Variants in YRDC observed in about 807,000 individuals in gnomAD.
YRDC encodes yrdC N6-threonylcarbamoyltransferase domain containing.
Under a neutral mutation model 21.5 loss-of-function variants are expected in YRDC, and 17 were observed. The ratio of observed to expected loss-of-function variants is 0.79; its 90% CI spans 0.54 to 1.19. YRDC has a LOEUF of 1.19. Ranked by LOEUF, YRDC falls within the 50% of genes most tolerant of loss-of-function variation. The probability of loss-of-function intolerance (pLI) is 0.00; values close to 1 mark genes in which losing one functional copy is unlikely to be tolerated. For missense variants in YRDC, 380 were observed against 397.1 expected, an observed-to-expected ratio of 0.96 and a Z score of 0.37; for synonymous variants, 193 against 176.7, an observed-to-expected ratio of 1.09 and a Z score of -0.73.
chr1:37,807,833 C>A lies in YRDC; in HGVS notation c.348G>T (p.Lys116Asn). The change falls in exon 1 of 5, where the codon AAG (lysine) becomes AAT (asparagine). Residue 116 changes from lysine (K) to asparagine (N), a missense_variant. By Grantham distance (94) the Lys-to-Asn change is moderately conservative (BLOSUM62 0). This residue lies in a region of YRDC where 238 missense variants were observed against 236.5 expected (regional missense o/e 1.01). Coordinates refer to ENST00000373044, the MANE Select transcript of YRDC (RefSeq NM_024640.4). ...CGCGGCCGAGGCATACGGCCAGAGG[C>A]TTGGCCTCGCTGCGACCCTTGAGGC... is the stretch of plus-strand genomic sequence containing the variant. ...VYRLKGRSEAKPLAVCLGRVA... is the reference protein window; with the variant it reads ...VYRLKGRSEANPLAVCLGRVA... 1 of 1,510,096 alleles carries A rather than the reference C, an allele frequency of 6.6e-7. No individual in the cohort carries two copies. Among genetic ancestry groups the A allele is most frequent in the Non-Finnish European group, 8.8e-7 (1 of 1,134,098 alleles). The allele number at this position is 1,510,096 out of a possible 1,614,324, so 93.5% of individuals were successfully genotyped here.
Position 37,808,163 on chromosome 1 carries a change from C to T in YRDC, c.18G>A (p.Arg6=). The part of the protein sequence containing the change: MSPAR[R]CRGMRAAVAA... ...CCACCGCGGCCCTCATCCCCCTGCA[C>T]CGACGCGCCGGAGACATCCGCCCAG... is the stretch of plus-strand genomic sequence containing the variant. The change falls in exon 1 of 5, where the codon CGG becomes CGA. Residue 6 remains arginine (R), a synonymous_variant. Coordinates refer to ENST00000373044, the MANE Select transcript of YRDC (RefSeq NM_024640.4). 2 of 1,460,042 alleles carry T rather than the reference C, an allele frequency of 1.4e-6. No individual in the cohort carries two copies. The highest frequency in any genetic ancestry group is 9.0e-7 in the Non-Finnish European group (1 of 1,110,800). 90.4% of individuals were successfully genotyped at this position (1,460,042 alleles called of 1,614,324 possible).
chr1:37,804,365 C>T lies in YRDC; in HGVS notation c.704G>A (p.Arg235His), dbSNP rs138070077. The T allele has an allele frequency of 1.7e-5, 28 of 1,614,054 alleles. No homozygotes were observed. The highest frequency in any genetic ancestry group is 2.7e-5 in the African/African-American group (2 of 74,912). The change falls in exon 4 of 5, where the codon CGC (arginine) becomes CAC (histidine). Residue 235 changes from arginine (R) to histidine (H), a missense_variant. Transcript: ENST00000373044. ...CAAATCAACCACAGTTGAGCCAAGG[C>T]GACACTCGGGGCTCTGGCCATCCCC... The part of the protein sequence containing the change: ...QIGDGQSPEC[R>H]LGSTVVDLSV...
Position 37,807,124 on chromosome 1 carries a change from T to G in YRDC, c.481A>C (p.Lys161Gln). The G allele has an allele frequency of 1.2e-6, 2 of 1,614,148 alleles. No homozygotes were observed. Residue 161 changes from lysine (K) to glutamine (Q), a missense_variant, in exon 2 of 5, where the codon AAG becomes CAG. This residue lies in a region of YRDC where 238 missense variants were observed against 236.5 expected (regional missense o/e 1.01). Coordinates refer to ENST00000373044, the MANE Select transcript of YRDC (RefSeq NM_024640.4). ...ACAGGCGTAAAAGGGTTTAGGTCCT[T>G]GTTGAGCTCCTCCGAGCGTTCCATC... ...LVMERSEELN[K>Q]DLNPFTPLVG...
intron 3 of YRDC, among the ~76,000 whole-genome samples, chr1:37,805,086 T>C (rs879542624): frequency 6.6e-6 from 1 of 151,442 alleles, no homozygotes; most frequent in Admixed American, 6.6e-5. Context: ...TGAAACCCCA[T>C]CTCTACTAAA....
rs763814557 is a variant in YRDC at position 37,804,282 on chromosome 1, A to G, written c.767+20T>C. The G allele has an allele frequency of 1.2e-6, 2 of 1,604,218 alleles. No individual in the cohort carries two copies. Among genetic ancestry groups the G allele is most frequent in the East Asian group, 2.2e-5 (1 of 44,630 alleles). On this transcript the variant is annotated intron_variant, in intron 4 of 4. Transcript: ENST00000373044. ...AACCTCCCTCAAATTATTTCCCCACACCACAGGAAAGAGACTTACCAGCCT... is the reference window on the plus strand; with the variant it reads ...AACCTCCCTCAAATTATTTCCCCACGCCACAGGAAAGAGACTTACCAGCCT...
At chr1:37,807,251 G>T (rs368939040) in intron 1 of YRDC, 36 bp from the exon 2 acceptor site, 2 of 1,585,814 alleles carry the variant, frequency 1.3e-6, no homozygotes, top group South Asian at 2.2e-5. Context: ...ATTCAAAATT[G>T]AAGGGCCACT....
rs1646753114 is a variant in YRDC, at chr1:37,807,983, C to T, written c.198G>A (p.Trp66Ter). The T allele has an allele frequency of 1.7e-6, 2 of 1,204,750 alleles. No homozygotes were observed. Among genetic ancestry groups the T allele is most frequent in the Non-Finnish European group, 2.1e-6 (2 of 971,488 alleles). 74.6% of individuals were successfully genotyped at this position (1,204,750 alleles called of 1,614,324 possible). ...CCACGGCGGCCCGCAGCGCCTCGGT[C>T]CAGCCGGCGCGCTCCGGGCTCGCGG... ...VQAASPERAG[W>*]TEALRAAVAE... is the part of the protein sequence containing the mutation. The change falls in exon 1 of 5, where the codon TGG becomes TGA. Residue 66 changes from tryptophan to a stop codon, truncating the protein, a stop_gained. Coordinates refer to ENST00000373044, the MANE Select transcript of YRDC (RefSeq NM_024640.4). LOFTEE classifies it high-confidence loss of function.
At chr1:37,806,821 G>A (rs1438743648) in intron 3 of YRDC, 36 bp downstream of exon 3, 3 of 1,613,696 alleles carry the variant, frequency 1.9e-6, no homozygotes, top group South Asian at 2.2e-5. Context: ...TATGTGCGCT[G>A]GTGACATTTC....
In YRDC at chr1:37,807,783, CG is replaced by C; in HGVS notation, c.389+8del. On this transcript the variant is annotated splice_region_variant and intron_variant, in intron 1 of 4. Transcript: ENST00000373044. ...CGCCCCTAGCGGGGCCGGGTCGGGG[CG>C]GCCTTACCTGTAGACGTCGGCCACG... The C allele has an allele frequency of 2.0e-6, 3 of 1,496,992 alleles. No homozygotes were observed. The highest frequency in any genetic ancestry group is 2.7e-6 in the Non-Finnish European group (3 of 1,126,816). 92.7% of individuals were successfully genotyped at this position (1,496,992 alleles called of 1,614,324 possible). A position where few individuals can be genotyped will look rare whatever the true frequency, so the allele number is the denominator to read the frequency against.
At chr1:37,807,755 T>G in intron 1 of YRDC, 37 bp downstream of exon 1, 1 of 1,450,502 alleles carries the variant, frequency 6.9e-7, no homozygotes, top group Non-Finnish European at 9.1e-7. Context: ...CCTCCCGCGG[T>G]GCCGCCCCTA....
intron 2 of YRDC, 58 bp downstream of exon 2, chr1:37,807,043 A>G (rs1646742833): frequency 6.2e-7 from 1 of 1,613,796 alleles, no homozygotes; most frequent in Non-Finnish European, 8.5e-7. Context: ...TCTTATCTGG[A>G]TCCTAGTGAA....
Position 37,807,832 on chromosome 1 carries a change from G to A in YRDC, c.349C>T (p.Pro117Ser), listed in dbSNP as rs1340662281. 2 of 1,509,806 alleles carry A rather than the reference G, an allele frequency of 1.3e-6. No individual in the cohort carries two copies. Among genetic ancestry groups the A allele is most frequent in the African/African-American group, 1.4e-5 (1 of 70,728 alleles). The allele number at this position is 1,509,806 out of a possible 1,614,324, so 93.5% of individuals were successfully genotyped here. A position where few individuals can be genotyped will look rare whatever the true frequency, so the allele number is the denominator to read the frequency against. Residue 117 changes from proline (P) to serine (S), a missense_variant, in exon 1 of 5, where the codon CCT becomes TCT. Coordinates refer to ENST00000373044, the MANE Select transcript of YRDC (RefSeq NM_024640.4). ...YRLKGRSEAK[P>S]LAVCLGRVAD... ...ACGCGGCCGAGGCATACGGCCAGAG[G>A]CTTGGCCTCGCTGCGACCCTTGAGG...
intron 3 of YRDC, 111 bp downstream of exon 3, chr1:37,806,746 G>T: frequency 6.6e-7 from 1 of 1,522,660 alleles, no homozygotes; most frequent in South Asian, 1.2e-5. Flanking sequence ...CCCACTGTTG[G>T]CCCAAGAACT....
Position 37,804,425 on chromosome 1 carries a change from G to A in YRDC, c.644C>T (p.Pro215Leu). Residue 215 changes from proline (P) to leucine (L), a missense_variant, in exon 4 of 5, where the codon CCT becomes CTT. This residue lies in a region of YRDC where 238 missense variants were observed against 236.5 expected (regional missense o/e 1.01). Transcript: ENST00000373044. ...CCCATCAATAACCAAGGACAACTGA[G>A]GCCAGAGATCCTGGAACTCCTGAGA... Reference protein sequence around the residue: ...LNVEEFQDLWPQLSLVIDGGQ... With the variant: ...LNVEEFQDLWLQLSLVIDGGQ... The A allele has an allele frequency of 6.2e-7, 1 of 1,613,246 alleles. No homozygotes were observed. The highest frequency in any genetic ancestry group is 8.5e-7 in the Non-Finnish European group (1 of 1,179,294).
chr1:37,804,359 C>T lies in YRDC; in HGVS notation c.710G>A (p.Gly237Asp). 1 of 1,614,174 alleles carries T rather than the reference C, an allele frequency of 6.2e-7. No individual in the cohort carries two copies. Among genetic ancestry groups the T allele is most frequent in the Non-Finnish European group, 8.5e-7 (1 of 1,180,020 alleles). ...CACAGACAAATCAACCACAGTTGAG[C>T]CAAGGCGACACTCGGGGCTCTGGCC... The part of the protein sequence containing the change: ...GDGQSPECRL[G>D]STVVDLSVPG... Residue 237 changes from glycine (G) to aspartate (D), a missense_variant, in exon 4 of 5, where the codon GGC (glycine) becomes GAC (aspartate). Physicochemically the swap from Gly to Asp is moderately conservative, Grantham distance 94. Around this residue, in one of 3 missense-constraint regions of YRDC, gnomAD observed 238 missense variants for 236.5 expected, o/e 1.01. Coordinates refer to ENST00000373044, the MANE Select transcript of YRDC (RefSeq NM_024640.4).
At chr1:37,807,770 G>C in intron 1 of YRDC, 22 bp downstream of exon 1, 2 of 1,485,168 alleles carry the variant, frequency 1.3e-6, no homozygotes, top group Non-Finnish European at 1.8e-6. Flanking sequence ...CCCCTAGCGG[G>C]GCCGGGTCGG....
intron 1 of YRDC, 106 bp downstream of exon 1, chr1:37,807,686 C>T: frequency 4.5e-6 from 6 of 1,347,250 alleles, no homozygotes; most frequent in Non-Finnish European, 5.7e-6. Context: ...CCTTGGTGAG[C>T]CTGGACAAGC....
intron 3 of YRDC, 84 bp downstream of exon 3, chr1:37,806,773 C>G: frequency 6.3e-7 from 1 of 1,591,754 alleles, no homozygotes; most frequent in Non-Finnish European, 8.6e-7. Context: ...CCTGGCCATC[C>G]CAGTGTACTA....
At position 37,807,806 on chromosome 1, in the gene YRDC, C is replaced by T. The variant is rs1301017918; in HGVS notation, c.375G>A (p.Val125=). ...GGCGGCCTTACCTGTAGACGTCGGC[C>T]ACGCGGCCGAGGCATACGGCCAGAG... ...AKPLAVCLGR[V]ADVYRYCRVR... Residue 125 remains valine (V), a synonymous_variant, in exon 1 of 5, where the codon GTG becomes GTA. Coordinates refer to ENST00000373044, the MANE Select transcript of YRDC (RefSeq NM_024640.4). The T allele has an allele frequency of 1.3e-6, 2 of 1,509,926 alleles. No individual in the cohort carries two copies. Among genetic ancestry groups the T allele is most frequent in the South Asian group, 1.2e-5 (1 of 83,018 alleles). The allele number at this position is 1,509,926 out of a possible 1,614,324, so 93.5% of individuals were successfully genotyped here. A position where few individuals can be genotyped will look rare whatever the true frequency, so the allele number is the denominator to read the frequency against.
Sources: allele counts gnomAD v4.1 joint callset (sites outside exome capture counted in the v4.1 genomes callset), GRCh38; gene constraint gnomAD v4.1.1; regional missense constraint gnomAD v4.1.1; transcripts MANE v1.5; gene names NCBI Gene and HGNC (gene_info 2026-07-23, HGNC 2026-07-21).